Variants in ABCG5 observed in about 807,000 individuals in gnomAD.
ABCG5 encodes ATP-binding cassette sub-family G member 5.
Under a neutral mutation model 64.5 loss-of-function variants are expected in ABCG5, and 64 were observed. The observed-to-expected ratio is 0.99, with a 90% confidence interval of 0.81 to 1.22. The LOEUF (loss-of-function observed/expected upper bound fraction) is 1.22. ABCG5 is among the 50% of genes most tolerant of loss of function. The pLI is 0.00. For missense variants in ABCG5, 908 were observed against 829.5 expected, an observed-to-expected ratio of 1.09 and a Z score of -1.16; for synonymous variants, 385 against 326.3, an observed-to-expected ratio of 1.18 and a Z score of -1.94.
rs770594428 is a variant in ABCG5 at position 43,819,906 on chromosome 2, A to G, written c.1649+9T>C. The G allele has an allele frequency of 2.3e-5, 37 of 1,614,000 alleles. No homozygotes were observed. Among genetic ancestry groups the G allele is most frequent in the Non-Finnish European group, 2.9e-5 (34 of 1,179,988 alleles). The stretch of plus-strand genomic sequence containing the variant: ...CCCAATCTAAATTTTTTGAATTATG[A>G]TATCTTACCTGAGGAATCCAGATCC... On this transcript the variant is annotated intron_variant, in intron 11 of 12. Transcript: ENST00000405322.
rs779109455 is a variant in ABCG5, at chr2:43,813,273, C to T, written c.1799G>A (p.Cys600Tyr). The stretch of plus-strand genomic sequence containing the variant: ...GAATTGAATTCCTTGAGTGAAGGCA[C>T]ACATTGGATTAGTTGTCACAGAAAC... ...SNVSVTTNPM[C>Y]AFTQGIQFIE... Residue 600 changes from cysteine to tyrosine, a missense_variant, in exon 13 of 13, where the codon TGT becomes TAT. Physicochemically the swap from Cys to Tyr is radical, Grantham distance 194. Transcript: ENST00000405322. The T allele has an allele frequency of 9.3e-6, 15 of 1,613,736 alleles. No homozygotes were observed. Among genetic ancestry groups the T allele is most frequent in the Middle Eastern group, 1.6e-4 (1 of 6,084 alleles).
In ABCG5 at chr2:43,814,696, A is replaced by G. The variant is rs1026002334; in HGVS notation, c.1650-107T>C. 2.2e-4 allele frequency: 144 copies of G among 663,088 alleles called. 1 individual carries two copies. The highest frequency in any genetic ancestry group is 3.1e-4 in the Non-Finnish European group (120 of 381,604). The allele number at this position is 663,088 out of a possible 1,614,324, so 41.1% of individuals were successfully genotyped here. ...TTTTCCAACAGGAATATAGTTTTCT[A>G]TCTCCTTATTATAAAAATGATGCTC... On this transcript the variant is annotated intron_variant, in intron 11 of 12. Coordinates refer to ENST00000405322, the MANE Select transcript of ABCG5 (RefSeq NM_022436.3).
chr2:43,809,994 C>A, downstream of ABCG5: 1 of 1,182,914 alleles, frequency 8.5e-7, no homozygotes, highest in Non-Finnish European at 1.1e-6. Flanking sequence ...AAAGAATCTT[C>A]TACTACCTAC....
chr2:43,813,284 A>C lies in ABCG5; in HGVS notation c.1788T>G (p.Thr596=). The C allele has an allele frequency of 6.2e-7, 1 of 1,613,712 alleles. No individual in the cohort carries two copies. The highest frequency in any genetic ancestry group is 8.5e-7 in the Non-Finnish European group (1 of 1,179,762). Residue 596 remains threonine, a synonymous_variant, in exon 13 of 13, where the codon ACT becomes ACG. Transcript: ENST00000405322. ...CTTGAGTGAAGGCACACATTGGATT[A>C]GTTGTCACAGAAACATTTGAGCTGC... The part of the protein sequence containing the change: ...TCGSSNVSVT[T]NPMCAFTQGI...
intron 6 of ABCG5, 144 bp from the exon 7 acceptor site, chr2:43,825,162 A>ATAAG: frequency 1.0e-6 from 1 of 991,136 alleles, no homozygotes; most frequent in East Asian, 2.8e-5. Flanking sequence ...TCCCATAAGC[A>ATAAG]GTCAGTCCTT....
chr2:43,820,322 T>C (rs575041184), intron 10 of ABCG5, among the ~76,000 whole-genome samples: 2 of 152,318 alleles, frequency 1.3e-5, no homozygotes, highest in South Asian at 4.1e-4. Flanking sequence ...GAGCCACCTT[T>C]TCCCTTTCAC....
the ABCG5 span, among the ~76,000 whole-genome samples, chr2:43,807,425 T>G: frequency 1.3e-5 from 2 of 152,092 alleles, no homozygotes; most frequent in African/African-American, 4.8e-5. Context: ...TGCTGAGCCC[T>G]TCTACCTCTT....
chr2:43,830,352 G>T (rs997602014), intron 4 of ABCG5, among the ~76,000 whole-genome samples: 2 of 152,212 alleles, frequency 1.3e-5, no homozygotes, highest in African/African-American at 4.8e-5. Context: ...CATTCTTATT[G>T]TATTTTTTAT....
At position 43,826,406 on chromosome 2, in the gene ABCG5, G is replaced by T. The variant is rs1336836642; in HGVS notation, c.750C>A (p.His250Gln). 6.2e-7 allele frequency: 1 copy of T among 1,613,954 alleles called. No individual in the cohort carries two copies. Among genetic ancestry groups the T allele is most frequent in the Non-Finnish European group, 8.5e-7 (1 of 1,180,030 alleles). The part of the protein sequence containing the change: ...RRNRIVVLTI[H>Q]QPRSELFQLF... ...CCTGAAAAAGCTCAGAACGGGGCTG[G>T]TGAATGGTGAGAACCACAATTCGGT... is the stretch of plus-strand genomic sequence containing the variant. The change falls in exon 6 of 13, where the codon CAC (histidine) becomes CAA (glutamine). Residue 250 changes from histidine (H) to glutamine (Q), a missense_variant. Physicochemically the swap from His to Gln is conservative, Grantham distance 24. Coordinates refer to ENST00000405322, the MANE Select transcript of ABCG5 (RefSeq NM_022436.3).
At chr2:43,826,114 C>T (rs1425213372) in intron 6 of ABCG5, among the ~76,000 whole-genome samples, 2 of 151,994 alleles carry the variant, frequency 1.3e-5, no homozygotes, top group Non-Finnish European at 2.9e-5. Context: ...TAGCTGGGAC[C>T]ACAGATATGC....
chr2:43,825,897 G>C (rs1667567144), intron 6 of ABCG5, among the ~76,000 whole-genome samples: 1 of 152,186 alleles, frequency 6.6e-6, no homozygotes, highest in African/African-American at 2.4e-5. Flanking sequence ...GAACATGGTA[G>C]GTGCTGAAAG....
chr2:43,831,420 A>AT (rs1404719083), intron 4 of ABCG5, among the ~76,000 whole-genome samples: 1 of 152,132 alleles, frequency 6.6e-6, no homozygotes, highest in African/African-American at 2.4e-5. Context: ...CAATCCTCCC[A>AT]TCTTGGCCTT....
In ABCG5 at chr2:43,831,916, G is replaced by A. The variant is rs751645524; in HGVS notation, c.402+31C>T. The A allele has an allele frequency of 3.2e-6, 5 of 1,547,660 alleles. No individual in the cohort carries two copies. In the South Asian group the frequency reaches 6.0e-5, roughly 18 times the overall value. ...GTAGCCTAAGCCCCCGGGGCGGGCG[G>A]GGGGGCCAGGGGTGTGGGGGACGCG... On this transcript the variant is annotated intron_variant, in intron 3 of 12. Coordinates refer to ENST00000405322, the MANE Select transcript of ABCG5 (RefSeq NM_022436.3).
In ABCG5 at chr2:43,812,925, C is replaced by T. The variant is rs1345784397; in HGVS notation, c.*191G>A. The T allele has an allele frequency of 1.7e-6, 1 of 596,630 alleles. No homozygotes were observed. Among genetic ancestry groups the T allele is most frequent in the Non-Finnish European group, 3.0e-6 (1 of 333,894 alleles). The allele number at this position is 596,630 out of a possible 1,614,324, so 37.0% of individuals were successfully genotyped here. Reference sequence around the variant, plus strand: ...CACATGTCCCTGCAAGTTGTAAGAGCAAGGGACTATAAACCACTTCCATTG... The same window carrying T: ...CACATGTCCCTGCAAGTTGTAAGAGTAAGGGACTATAAACCACTTCCATTG... On this transcript the variant is annotated 3_prime_UTR_variant, in exon 13 of 13. Coordinates refer to ENST00000405322, the MANE Select transcript of ABCG5 (RefSeq NM_022436.3).
chr2:43,820,958 C>G lies in ABCG5; in HGVS notation c.1464-858G>C, dbSNP rs547743351. ...CATGAGCTACCATGCCTGGCCTGACCTTCATTTTCTTGTAAACAAACCACC... is the reference window on the plus strand; with the variant it reads ...CATGAGCTACCATGCCTGGCCTGACGTTCATTTTCTTGTAAACAAACCACC... On this transcript the variant is annotated intron_variant, in intron 10 of 12. Coordinates refer to ENST00000405322, the MANE Select transcript of ABCG5 (RefSeq NM_022436.3). Among the ~76,000 whole-genome samples the G allele has an allele frequency of 2.6e-5, 4 of 152,196 alleles. No individual in the cohort carries two copies. In the East Asian group the frequency reaches 7.7e-4, roughly 29 times the overall value.
chr2:43,822,470 T>TGC, intron 10 of ABCG5: 3 of 354,562 alleles, frequency 8.5e-6, no homozygotes, highest in Non-Finnish European at 1.1e-5. Flanking sequence ...CTTTCTCCCC[T>TGC]CCCCCAGGCC....
intron 2 of ABCG5, among the ~76,000 whole-genome samples, chr2:43,832,818 T>C (rs896693627): frequency 3.3e-5 from 5 of 152,170 alleles, no homozygotes; most frequent in African/African-American, 4.8e-5. Flanking sequence ...GGTTTGCTTT[T>C]TTCTTGAGTG....
At chr2:43,807,743 C>CAAAAAAAAAAAA (rs536977133), downstream of ABCG5, among the ~76,000 whole-genome samples, 1 of 41,616 alleles carries the variant, frequency 2.4e-5, no homozygotes, top group African/African-American at 7.2e-5. Flanking sequence ...TTTGTTAAAG[C>CAAAAAAAAAAAA]AAAAAAAAAA....
chr2:43,831,468 C>T (rs1049088083), intron 4 of ABCG5, among the ~76,000 whole-genome samples: 5 of 152,152 alleles, frequency 3.3e-5, no homozygotes, highest in African/African-American at 9.7e-5. Flanking sequence ...CCACCCTGCC[C>T]GACCTAAAAA....
Sources: gnomAD v4.1 joint callset for allele counts (sites outside exome capture counted in the v4.1 genomes callset) on GRCh38, gnomAD v4.1.1 for gene constraint, MANE v1.5 for transcripts, NCBI Gene and HGNC (gene_info 2026-07-23, HGNC 2026-07-21) for gene names.